Variants in PDE4D observed in about 807,000 individuals in gnomAD.
The protein encoded by PDE4D is 3',5'-cyclic-AMP phosphodiesterase 4D.
Under a neutral mutation model 87.4 loss-of-function variants are expected in PDE4D, and 24 were observed. The observed-to-expected ratio is 0.27, with a 90% confidence interval of 0.20 to 0.39. PDE4D has a LOEUF of 0.39. PDE4D is among the 10% of genes least tolerant of loss of function. The pLI is 1.00. For missense variants in PDE4D, 714 were observed against 1,041.0 expected, an observed-to-expected ratio of 0.69 and a Z score of 4.32; for synonymous variants, 384 against 383.2, an observed-to-expected ratio of 1.00 and a Z score of -0.02.
In PDE4D at chr5:59,832,920, G is replaced by A. The variant is rs1215940715; in HGVS notation, c.455+60248C>T. ...AACATGGAAAAACAGATGAAAACGG[G>A]TTCATTCGTTGAAGCAGAGATGGGG... On this transcript the variant is annotated intron_variant, in intron 1 of 14. Coordinates refer to ENST00000340635, the MANE Select transcript of PDE4D (RefSeq NM_001104631.2). Among the ~76,000 whole-genome samples the A allele has an allele frequency of 2.0e-5, 3 of 152,002 alleles. No individual in the cohort carries two copies. The East Asian group carries it at 5.8e-4, about 29-fold the overall frequency.
At chr5:60,399,882 C>A (rs934338532) in intron 1 of PDE4D, among the ~76,000 whole-genome samples, 7 of 152,234 alleles carry the variant, frequency 4.6e-5, no homozygotes, top group Admixed American at 1.3e-4. Flanking sequence ...ACCAGATAAC[C>A]TGGTATCTCT....
intron 1 of PDE4D, among the ~76,000 whole-genome samples, chr5:59,593,301 C>G (rs909528602): frequency 3.4e-5 from 5 of 148,536 alleles, no homozygotes. Flanking sequence ...CATGGTGGTT[C>G]GCACCTGTAA....
At chr5:60,010,038 A>G (rs921276647) in intron 2 of PDE4D, among the ~76,000 whole-genome samples, 1 of 152,090 alleles carries the variant, frequency 6.6e-6, no homozygotes, top group Non-Finnish European at 1.5e-5. Flanking sequence ...ATAGGGATCC[A>G]TGAGAAGCCT....
intron 1 of PDE4D, among the ~76,000 whole-genome samples, chr5:59,232,560 C>A (rs1755462385): frequency 6.7e-6 from 1 of 149,346 alleles, no homozygotes; most frequent in Non-Finnish European, 1.5e-5. Flanking sequence ...AAAGGGAATT[C>A]TTAGTTGGTG....
chr5:59,361,939 GATTA>G (rs905102999), intron 1 of PDE4D, among the ~76,000 whole-genome samples: 37 of 152,206 alleles, frequency 2.4e-4, no homozygotes, highest in African/African-American at 8.9e-4. Context: ...CTATTTGATT[GATTA>G]ATTAATTTTT....
intron 1 of PDE4D, among the ~76,000 whole-genome samples, chr5:60,293,645 C>T (rs1015340576): frequency 6.6e-6 from 1 of 152,132 alleles, no homozygotes; most frequent in Non-Finnish European, 1.5e-5. Context: ...TTCCCTTTTT[C>T]TAACCTAAGT....
In PDE4D at chr5:58,970,867, T is replaced by A. The variant is rs879611998; in HGVS notation, c.*3797A>T. 10 of 146,846 alleles carry A rather than the reference T, an allele frequency of 6.8e-5. No individual in the cohort carries two copies. Among genetic ancestry groups the A allele is most frequent in the Non-Finnish European group, 1.2e-4 (8 of 66,760 alleles). The allele number at this position is 146,846 out of a possible 1,614,324, so 9.1% of individuals were successfully genotyped here. ...AAAAAAAGAAAAAGATTGTTTATAA[T>A]CACTGGGAAAGAATATATTTCCCCA... On this transcript the variant is annotated 3_prime_UTR_variant, in exon 15 of 15. Transcript: ENST00000340635.
At chr5:60,476,294 C>T (rs1447023930) in intron 1 of PDE4D, among the ~76,000 whole-genome samples, 1 of 152,182 alleles carries the variant, frequency 6.6e-6, no homozygotes, top group Non-Finnish European at 1.5e-5. Context: ...GGAGATACTT[C>T]TCCACAGGCT....
chr5:60,174,494 G>A (rs1783747382), intron 2 of PDE4D, among the ~76,000 whole-genome samples: 2 of 151,992 alleles, frequency 1.3e-5, no homozygotes, highest in African/African-American at 4.8e-5. Context: ...ACCCTCTGAG[G>A]CAATAGAGGT....
chr5:59,021,411 T>C (rs1475512122), intron 6 of PDE4D, among the ~76,000 whole-genome samples: 6 of 152,210 alleles, frequency 3.9e-5, no homozygotes, highest in Non-Finnish European at 8.8e-5. Context: ...AGGCACACTC[T>C]GTAAGCTTTC....
chr5:60,368,243 G>A (rs1321189919), intron 1 of PDE4D, among the ~76,000 whole-genome samples: 2 of 152,212 alleles, frequency 1.3e-5, no homozygotes, highest in African/African-American at 4.8e-5. Context: ...AGGTAACAAC[G>A]ATGTGGCTTC....
At chr5:59,483,866 G>A (rs1562265687) in intron 1 of PDE4D, among the ~76,000 whole-genome samples, 1 of 152,308 alleles carries the variant, frequency 6.6e-6, no homozygotes, top group East Asian at 1.9e-4. Context: ...TACATTTCCA[G>A]AAAGAGGTAT....
chr5:60,138,360 G>C (rs959229000), intron 2 of PDE4D, among the ~76,000 whole-genome samples: 4 of 152,018 alleles, frequency 2.6e-5, no homozygotes, highest in Non-Finnish European at 5.9e-5. Flanking sequence ...AGAATGCTGT[G>C]GCATATCAAT....
At chr5:59,495,535 C>T (rs12514190) in intron 1 of PDE4D, among the ~76,000 whole-genome samples, 5,292 of 152,144 alleles carry the variant, frequency 0.035, 158 homozygotes, top group Admixed American at 0.082. Flanking sequence ...AACAGAGAAA[C>T]GCCAGAATAG....
chr5:59,931,959 C>T (rs1020871793), intron 3 of PDE4D, among the ~76,000 whole-genome samples: 1 of 152,104 alleles, frequency 6.6e-6, no homozygotes, highest in African/African-American at 2.4e-5. Context: ...CCTTGGCCTC[C>T]CAAAGTGCTG....
chr5:59,662,723 CTCTTA>C (rs1745454427), intron 1 of PDE4D, among the ~76,000 whole-genome samples: 1 of 152,244 alleles, frequency 6.6e-6, no homozygotes, highest in Non-Finnish European at 1.5e-5. Flanking sequence ...CATATCCGTT[CTCTTA>C]TATTTTAATT....
intron 1 of PDE4D, among the ~76,000 whole-genome samples, chr5:59,773,203 C>T (rs1763749456): frequency 6.6e-6 from 1 of 152,096 alleles, no homozygotes; most frequent in Non-Finnish European, 1.5e-5. Context: ...TAGGGTGTTG[C>T]TTTCGTACTA....
chr5:60,006,208 G>A (rs970017338), intron 2 of PDE4D, among the ~76,000 whole-genome samples: 14 of 151,926 alleles, frequency 9.2e-5, no homozygotes, highest in African/African-American at 3.1e-4. Context: ...TGTTAAAACT[G>A]GGTGATGAGT....
intron 1 of PDE4D, among the ~76,000 whole-genome samples, chr5:59,756,721 A>G (rs1761282192): frequency 6.6e-6 from 1 of 152,158 alleles, no homozygotes; most frequent in Non-Finnish European, 1.5e-5. Context: ...CAATCGATCA[A>G]AAAACAACTA....
Sources: allele counts gnomAD v4.1 joint callset (sites outside exome capture counted in the v4.1 genomes callset), GRCh38; gene constraint gnomAD v4.1.1; transcripts MANE v1.5; gene names NCBI Gene and HGNC (gene_info 2026-07-23, HGNC 2026-07-21).